The following ACIN1 variants were observed in gnomAD, a reference collection of about 807,000 sequenced individuals.
ACIN1 encodes the protein apoptotic chromatin condensation inducer 1.
ACIN1 carries 16 observed loss-of-function variants against 146.6 expected under a neutral mutation model. The ratio of observed to expected loss-of-function variants is 0.11; its 90% CI spans 0.07 to 0.17. The LOEUF (loss-of-function observed/expected upper bound fraction) is 0.17. ACIN1 is among the 10% of genes least tolerant of loss of function. ACIN1 has a pLI of 1.00. For synonymous variants in ACIN1, 569 were observed against 582.7 expected, an observed-to-expected ratio of 0.98 and a Z score of 0.34; for missense variants, 1,357 against 1,609.3, an observed-to-expected ratio of 0.84 and a Z score of 2.68.
chr14:23,090,165 A>G, intron 3 of ACIN1, 64 bp from the exon 4 acceptor site: 8 of 1,566,220 alleles, frequency 5.1e-6, no homozygotes, highest in Non-Finnish European at 6.1e-6. Context: ...AGGAATATGT[A>G]GAGGAGTGAA....
Position 23,068,962 on chromosome 14 carries a change from T to G in ACIN1, c.2265+514A>C, listed in dbSNP as rs115618837. 6,162 of 985,614 alleles carry G rather than the reference T, an allele frequency of 6.3e-3. 288 individuals carry two copies. The African/African-American group carries it at 0.098, about 16-fold the overall frequency. 61.1% of individuals were successfully genotyped at this position (985,614 alleles called of 1,614,324 possible). ...TAGAGGGGTCACAGGTAACTGAGAA[T>G]GGGCCTTCCGGATCACAAGTGCTGG... On this transcript the variant is annotated intron_variant, in intron 9 of 18. Transcript: ENST00000605057. This position sits in a 1 kb window ranked among gnomAD's most constrained non-coding sequence, Gnocchi z 4.3.
In ACIN1 at chr14:23,068,751, C is replaced by G; in HGVS notation, c.2265+725G>C. Reference sequence around the variant, plus strand: ...ATCAAATCACTTTCACCGGCCCCCACCCCCGCAACACACACCAGAAAAAGG... The same window carrying G: ...ATCAAATCACTTTCACCGGCCCCCAGCCCCGCAACACACACCAGAAAAAGG... On this transcript the variant is annotated intron_variant, in intron 9 of 18. Transcript: ENST00000605057. The surrounding 1 kb of genome is among the most constrained non-coding windows in gnomAD (Gnocchi z 4.3). 1.0e-6 allele frequency: 1 copy of G among 985,486 alleles called. No individual in the cohort carries two copies. The highest frequency in any genetic ancestry group is 1.2e-6 in the Non-Finnish European group (1 of 829,982). 61.0% of individuals were successfully genotyped at this position (985,486 alleles called of 1,614,324 possible).
chr14:23,083,365 C>A (rs997619253), intron 4 of ACIN1, among the ~76,000 whole-genome samples: 2 of 152,008 alleles, frequency 1.3e-5, no homozygotes, highest in Non-Finnish European at 2.9e-5. Flanking sequence ...CCACTGTGCC[C>A]GAGTCTCAAA....
chr14:23,070,019 G>C (rs2047581312), intron 8 of ACIN1, among the ~76,000 whole-genome samples: 1 of 152,144 alleles, frequency 6.6e-6, no homozygotes, highest in Non-Finnish European at 1.5e-5. Flanking sequence ...CCTGGCCAAA[G>C]GCACCTTTAT....
At chr14:23,071,847 G>C (rs982668050) in intron 8 of ACIN1, among the ~76,000 whole-genome samples, 23 of 152,164 alleles carry the variant, frequency 1.5e-4, no homozygotes, top group African/African-American at 5.6e-4. Flanking sequence ...GAAGATTCTA[G>C]AAAATAGAGA....
intron 4 of ACIN1, among the ~76,000 whole-genome samples, chr14:23,082,968 G>A (rs1026801840): frequency 1.4e-5 from 2 of 147,888 alleles, no homozygotes; most frequent in African/African-American, 2.5e-5. Flanking sequence ...CGAACTCCTG[G>A]GCTCAAGCAA....
intron 1 of ACIN1, among the ~76,000 whole-genome samples, chr14:23,094,097 A>T (rs1003496776): frequency 6.6e-6 from 1 of 152,104 alleles, no homozygotes; most frequent in Non-Finnish European, 1.5e-5. Flanking sequence ...GGTCTAACCT[A>T]GTCTATCCAC....
chr14:23,068,691 G>A lies in ACIN1; in HGVS notation c.2265+785C>T. On this transcript the variant is annotated intron_variant, in intron 9 of 18. Transcript: ENST00000605057. The surrounding 1 kb of genome is among the most constrained non-coding windows in gnomAD (Gnocchi z 4.3). ...GAGGTACTTGGACAAAGTTTTACGG[G>A]GAAGAAGGACCTTGTAATAAATAAT... 1.2e-5 allele frequency: 12 copies of A among 985,738 alleles called. No homozygotes were observed. The highest frequency in any genetic ancestry group is 1.4e-5 in the Non-Finnish European group (12 of 829,952). The allele number at this position is 985,738 out of a possible 1,614,324, so 61.1% of individuals were successfully genotyped here. A position where few individuals can be genotyped will look rare whatever the true frequency, so the allele number is the denominator to read the frequency against.
Position 23,080,803 on chromosome 14 carries a change from C to T in ACIN1, c.532G>A (p.Ala178Thr). Reference protein sequence around the residue: ...RRSSRVRQARAAKLSEGSQPA... With the variant: ...RRSSRVRQARTAKLSEGSQPA... ...TGGCTGCCCTCAGACAGTTTAGCTG[C>T]TCTTGCCTGAAAGAACAGATACACA... The change falls in exon 6 of 19, where the codon GCA (alanine) becomes ACA (threonine). Residue 178 changes from alanine (A) to threonine (T), a missense_variant. Physicochemically the swap from Ala to Thr is moderately conservative, Grantham distance 58. This residue lies in a region of ACIN1 where 771 missense variants were observed against 746.6 expected (regional missense o/e 1.03). Transcript: ENST00000605057. The T allele has an allele frequency of 1.3e-6, 2 of 1,596,420 alleles. No individual in the cohort carries two copies. The highest frequency in any genetic ancestry group is 1.7e-6 in the Non-Finnish European group (2 of 1,170,112).
chr14:23,081,678 C>A (rs717984), intron 5 of ACIN1, 70 bp downstream of exon 5: 573,186 of 1,342,930 alleles, frequency 0.43, 125,739 homozygotes, highest in African/African-American at 0.66. Context: ...AAACTCAAAA[C>A]AAGTCTGAAG....
rs1169960616 is a variant in ACIN1 at position 23,078,283 on chromosome 14, A to G, written c.2008-17T>C. On this transcript the variant is annotated splice_polypyrimidine_tract_variant and intron_variant, in intron 7 of 18. Transcript: ENST00000605057. Reference sequence around the variant, plus strand: ...TGGGCTCCCCTGTCAGGAGATAGCAAAAACGAACAGAGCAAAACATTTAGA... The same window carrying G: ...TGGGCTCCCCTGTCAGGAGATAGCAGAAACGAACAGAGCAAAACATTTAGA... The G allele has an allele frequency of 6.2e-7, 1 of 1,610,698 alleles. No homozygotes were observed. Among genetic ancestry groups the G allele is most frequent in the Non-Finnish European group, 8.5e-7 (1 of 1,177,060 alleles).
chr14:23,069,234 C>T lies in ACIN1; in HGVS notation c.2265+242G>A, dbSNP rs151229794. On this transcript the variant is annotated intron_variant, in intron 9 of 18. Coordinates refer to ENST00000605057, the MANE Select transcript of ACIN1 (RefSeq NM_001386863.1). ...ATCAGACTTTCCCGTTAGTTACAAACGTCTAGAGTCTGGGCACTACTTCCC... is the reference window on the plus strand; with the variant it reads ...ATCAGACTTTCCCGTTAGTTACAAATGTCTAGAGTCTGGGCACTACTTCCC... 184 of 1,213,532 alleles carry T rather than the reference C, an allele frequency of 1.5e-4. 1 individual carries two copies. In the East Asian group the frequency reaches 5.7e-3, roughly 38 times the overall value. 75.2% of individuals were successfully genotyped at this position (1,213,532 alleles called of 1,614,324 possible).
upstream of ACIN1, chr14:23,095,342 T>C (rs1035623627): frequency 5.2e-6 from 8 of 1,541,450 alleles, no homozygotes; most frequent in African/African-American, 1.4e-5. Flanking sequence ...TCGCCCTGCT[T>C]TCAGGCTCGG....
At chr14:23,084,102 A>G (rs1248524311) in intron 4 of ACIN1, among the ~76,000 whole-genome samples, 1 of 151,852 alleles carries the variant, frequency 6.6e-6, no homozygotes, top group East Asian at 2.0e-4. Flanking sequence ...GCCCGCCACC[A>G]CGCCTGGTTA....
upstream of ACIN1, chr14:23,095,490 C>A: frequency 1.4e-6 from 1 of 696,956 alleles, no homozygotes; most frequent in Non-Finnish European, 2.2e-6. Flanking sequence ...GGGGCGGGTC[C>A]GAGGCCGGAA....
intron 14 of ACIN1, 52 bp downstream of exon 14, chr14:23,062,877 A>G: frequency 6.4e-7 from 1 of 1,551,058 alleles, no homozygotes; most frequent in Non-Finnish European, 8.7e-7. Flanking sequence ...ATAAGCCTAA[A>G]GCTCAAACTT....
At chr14:23,085,203 C>T (rs1390548305) in intron 4 of ACIN1, among the ~76,000 whole-genome samples, 3 of 151,882 alleles carry the variant, frequency 2.0e-5, no homozygotes, top group Non-Finnish European at 4.4e-5. Flanking sequence ...GGTGTGGGGG[C>T]GGGTGCCTGC....
upstream of ACIN1, chr14:23,095,190 C>T (rs1167490426): frequency 5.6e-6 from 9 of 1,614,090 alleles, no homozygotes; most frequent in Admixed American, 5.0e-5. Flanking sequence ...TCGAACGTAC[C>T]GAGATGACCC....
chr14:23,062,801 C>T, intron 14 of ACIN1, 128 bp downstream of exon 14: 1 of 1,171,622 alleles, frequency 8.5e-7, no homozygotes, highest in Non-Finnish European at 1.2e-6. Flanking sequence ...AAGTAACTCA[C>T]TCAAGATCAG....
Sources: gnomAD v4.1 joint callset for allele counts (sites outside exome capture counted in the v4.1 genomes callset) on GRCh38, gnomAD v4.1.1 for gene constraint, gnomAD v4.1.1 regional missense constraint, Gnocchi (gnomAD v3.1) non-coding constraint, MANE v1.5 for transcripts, NCBI Gene and HGNC (gene_info 2026-07-23, HGNC 2026-07-21) for gene names.